The following SLC5A11 variants were observed in gnomAD, a reference collection of about 807,000 sequenced individuals.
SLC5A11 encodes the protein sodium/myo-inositol cotransporter 2.
A neutral mutation model predicts 69.8 loss-of-function variants in SLC5A11; 48 were observed. The observed-to-expected ratio is 0.69, with a 90% CI of 0.55 to 0.87. SLC5A11 has a LOEUF of 0.87. SLC5A11 is among the 40% of genes least tolerant of loss of function. SLC5A11 has a pLI of 0.00. For missense variants in SLC5A11, 784 were observed against 866.1 expected (o/e 0.91, Z 1.19); for synonymous variants, 319 against 342.4 (o/e 0.93, Z 0.75).
Position 24,906,652 on chromosome 16 carries a change from C to G in SLC5A11, c.1007-5C>G. 2 of 1,598,398 alleles carry G rather than the reference C, an allele frequency of 1.3e-6. No individual in the cohort carries two copies. Among genetic ancestry groups the G allele is most frequent in the Non-Finnish European group, 1.7e-6 (2 of 1,171,252 alleles). ...CTCACCTCTGGGCCTGTGTTTCCTT[C>G]GTAGATCAAGTGGCCTGTGCAGATC... is the stretch of plus-strand genomic sequence containing the variant. On this transcript the variant is annotated splice_region_variant and splice_polypyrimidine_tract_variant and intron_variant, in intron 10 of 15. Coordinates refer to ENST00000347898, the Ensembl canonical transcript of SLC5A11.
chr16:24,848,437 C>T (rs1019575294), intron 1 of SLC5A11, among the ~76,000 whole-genome samples: 1 of 151,974 alleles, frequency 6.6e-6, no homozygotes, highest in Non-Finnish European at 1.5e-5. Flanking sequence ...AGCAAGACCC[C>T]GTCTCTACAA....
intron 2 of SLC5A11, among the ~76,000 whole-genome samples, chr16:24,860,942 C>T (rs1249092672): frequency 6.6e-6 from 1 of 151,934 alleles, no homozygotes; most frequent in African/African-American, 2.4e-5. Flanking sequence ...CTCCTGACCT[C>T]GTGATCCGCC....
chr16:24,846,900 G>T (rs1054939764), intron 1 of SLC5A11: 3 of 152,254 alleles, frequency 2.0e-5, no homozygotes, highest in African/African-American at 7.2e-5. Flanking sequence ...AGTCTTCACT[G>T]GTACGTGTCA....
intron 5 of SLC5A11, among the ~76,000 whole-genome samples, chr16:24,873,572 T>C (rs538743176): frequency 6.6e-6 from 1 of 151,396 alleles, no homozygotes; most frequent in South Asian, 2.1e-4. Flanking sequence ...AGGAGGAGGA[T>C]TGATTGCTTG....
intron 8 of SLC5A11, among the ~76,000 whole-genome samples, chr16:24,888,199 A>C (rs1044574512): frequency 2.0e-5 from 3 of 152,146 alleles, no homozygotes; most frequent in South Asian, 2.1e-4. Flanking sequence ...TATACACCCC[A>C]AAAATTAAAC....
intron 2 of SLC5A11, 119 bp from the exon 4 acceptor site, chr16:24,862,481 TG>T: frequency 1.6e-6 from 1 of 606,522 alleles, no homozygotes. Flanking sequence ...AAAATATATT[TG>T]ATATCCGAAT....
chr16:24,905,628 A>ACG (rs148096402), intron 10 of SLC5A11, among the ~76,000 whole-genome samples: 5,225 of 128,366 alleles, frequency 0.041, 275 homozygotes, highest in African/African-American at 0.12. Context: ...TCTCAAAAAC[A>ACG]CGCGCGCGCG....
chr16:24,878,527 G>A (rs1056994571), intron 7 of SLC5A11, among the ~76,000 whole-genome samples: 2 of 152,080 alleles, frequency 1.3e-5, no homozygotes, highest in Non-Finnish European at 2.9e-5. Context: ...GTGCCTGTGT[G>A]TGCACAGACA....
intron 7 of SLC5A11, among the ~76,000 whole-genome samples, chr16:24,878,194 A>G (rs2047810494): frequency 1.3e-5 from 2 of 152,188 alleles, no homozygotes; most frequent in Non-Finnish European, 2.9e-5. Flanking sequence ...ATGCACCACA[A>G]TGGCATAATG....
At chr16:24,877,149 G>A in intron 6 of SLC5A11, 109 bp from the exon 8 acceptor site, 1 of 1,540,620 alleles carries the variant, frequency 6.5e-7, no homozygotes, top group Non-Finnish European at 8.7e-7. Context: ...ACTCTTCTGT[G>A]TTTGTCAGCA....
At chr16:24,877,059 T>G (rs2047722056) in intron 6 of SLC5A11, 199 bp from the exon 8 acceptor site, 2 of 1,413,904 alleles carry the variant, frequency 1.4e-6, no homozygotes, top group South Asian at 3.2e-5. Flanking sequence ...AGGAGGCTGC[T>G]GCATCAGCCC....
Position 24,870,990 on chromosome 16 carries a change from T to C in SLC5A11, c.312+985T>C, listed in dbSNP as rs114479949. 8.4e-3 allele frequency among the ~76,000 whole-genome samples: 1,277 copies of C among 152,210 alleles called. 20 individuals carry two copies. The highest frequency in any genetic ancestry group is 0.029 in the African/African-American group (1,190 of 41,524). On this transcript the variant is annotated intron_variant, in intron 4 of 15. Coordinates refer to ENST00000347898, the Ensembl canonical transcript of SLC5A11. ...AAGGGATAAGATACACTCTCGTATATAGCAGGGCTCATTTGGGATATGATT... is the reference window on the plus strand; with the variant it reads ...AAGGGATAAGATACACTCTCGTATACAGCAGGGCTCATTTGGGATATGATT...
Position 24,885,592 on chromosome 16 carries a change from G to T in SLC5A11, c.664+1461G>T, listed in dbSNP as rs533857931. ...GAGCCTGGCAGGTTGAGTCTGCGGT[G>T]AGCTGAGATTGTGCCACTGCACTCC... On this transcript the variant is annotated intron_variant, in intron 8 of 15. Coordinates refer to ENST00000347898, the Ensembl canonical transcript of SLC5A11. Among the ~76,000 whole-genome samples the T allele has an allele frequency of 5.5e-5, 8 of 146,748 alleles. No individual in the cohort carries two copies. In the South Asian group the frequency reaches 1.5e-3, roughly 28 times the overall value.
intron 10 of SLC5A11, among the ~76,000 whole-genome samples, chr16:24,901,931 T>TACACACACACACACACAC (rs749172893): frequency 1.5e-5 from 2 of 137,928 alleles, no homozygotes; most frequent in African/African-American, 5.8e-5. Flanking sequence ...GAAAAAAAAA[T>TACACACACACACACACAC]ACACACACAC....
exon 16 of SLC5A11, chr16:24,911,468 C>T (rs2050523816): frequency 6.2e-7 from 1 of 1,614,038 alleles, no homozygotes; most frequent in African/African-American, 1.3e-5. Flanking sequence ...GGTGAAGACC[C>T]TCCTGGACGT....
chr16:24,890,791 C>T (rs1391044094), intron 8 of SLC5A11, 78 bp from the exon 10 acceptor site: 3 of 1,382,464 alleles, frequency 2.2e-6, no homozygotes, highest in Non-Finnish European at 3.1e-6. Context: ...TAGAATTTCA[C>T]CAGTCTCCAG....
Position 24,908,210 on chromosome 16 carries a change from T to C in SLC5A11, c.1434+79T>C, listed in dbSNP as rs998001729. ...TGGGATAGGATGGGAGGGGAGGGTG[T>C]TGGAGGGAGACACAGGCTGGAATTG... On this transcript the variant is annotated intron_variant, in intron 13 of 15. Coordinates refer to ENST00000347898, the Ensembl canonical transcript of SLC5A11. 44 of 1,467,756 alleles carry C rather than the reference T, an allele frequency of 3.0e-5. 1 individual carries two copies. The highest frequency in any genetic ancestry group is 2.6e-4 in the South Asian group (19 of 72,400). The allele number at this position is 1,467,756 out of a possible 1,614,324, so 90.9% of individuals were successfully genotyped here.
intron 9 of SLC5A11, among the ~76,000 whole-genome samples, chr16:24,893,248 A>T (rs892198531): frequency 6.6e-6 from 1 of 151,656 alleles, no homozygotes; most frequent in African/African-American, 2.4e-5. Context: ...AGATCATGCC[A>T]TTGCACTCCA....
At chr16:24,846,669 C>G (rs2667749) in intron 1 of SLC5A11, 46,438 of 152,370 alleles carry the variant, frequency 0.3, 7,577 homozygotes, top group South Asian at 0.5. Context: ...TGGGTCCCAG[C>G]TCTTCCACTT....
Sources: allele counts gnomAD v4.1 joint callset (sites outside exome capture counted in the v4.1 genomes callset), GRCh38; gene constraint gnomAD v4.1.1; transcripts MANE v1.5; gene names NCBI Gene and HGNC (gene_info 2026-07-23, HGNC 2026-07-21).